TBC1D9: variants seen among roughly 807,000 people sequenced by gnomAD.
The protein encoded by TBC1D9 is TBC1 domain family member 9, also known as TBC1 domain family member 9A.
Under a neutral mutation model 132.0 loss-of-function variants are expected in TBC1D9, and 63 were observed. The ratio of observed to expected loss-of-function variants is 0.48; its 90% confidence interval spans 0.39 to 0.59. The LOEUF (loss-of-function observed/expected upper bound fraction) is 0.59. Ranked by LOEUF, TBC1D9 falls within the 20% of genes least tolerant of loss-of-function variation. The pLI is 0.00. For missense variants in TBC1D9, 1,261 were observed against 1,592.7 expected (o/e 0.79, Z 3.54); for synonymous variants, 610 against 609.9 (o/e 1.00, Z 0.00).
At chr4:140,714,551 T>C (rs969932912) in intron 1 of TBC1D9, among the ~76,000 whole-genome samples, 5 of 152,168 alleles carry the variant, frequency 3.3e-5, no homozygotes, top group African/African-American at 9.7e-5. Context: ...TGATGTCTCA[T>C]AGGTGGCCAC....
At chr4:140,647,828 G>A (rs1737125313) in intron 13 of TBC1D9, among the ~76,000 whole-genome samples, 1 of 152,128 alleles carries the variant, frequency 6.6e-6, no homozygotes, top group Non-Finnish European at 1.5e-5. Context: ...GTAAACCGTG[G>A]ACTCCAAGTT....
chr4:140,677,241 A>C, intron 5 of TBC1D9, 140 bp from the exon 6 acceptor site: 1 of 939,724 alleles, frequency 1.1e-6, no homozygotes, highest in Non-Finnish European at 1.6e-6. Flanking sequence ...CTTTCTTTAT[A>C]TTGAAGTTAA....
chr4:140,721,960 G>A (rs1443266260), intron 1 of TBC1D9, among the ~76,000 whole-genome samples: 1 of 152,058 alleles, frequency 6.6e-6, no homozygotes, highest in Non-Finnish European at 1.5e-5. Flanking sequence ...CAGACTCCAT[G>A]CCTAGCCTCA....
At chr4:140,690,811 T>C (rs1282325892) in intron 2 of TBC1D9, among the ~76,000 whole-genome samples, 2 of 152,094 alleles carry the variant, frequency 1.3e-5, no homozygotes, top group Admixed American at 6.5e-5. Context: ...GGGCAGAGCA[T>C]GGTGAGAGCA....
At chr4:140,741,187 T>C (rs964202041) in intron 1 of TBC1D9, among the ~76,000 whole-genome samples, 1 of 152,112 alleles carries the variant, frequency 6.6e-6, no homozygotes, top group African/African-American at 2.4e-5. Context: ...AGGAAGAAGA[T>C]ACCAAACTCC....
intron 1 of TBC1D9, among the ~76,000 whole-genome samples, chr4:140,746,658 A>G (rs936735649): frequency 3.3e-5 from 5 of 152,164 alleles, no homozygotes; most frequent in African/African-American, 1.2e-4. Flanking sequence ...GCATCCAGCA[A>G]AGAGAGAAAT....
In TBC1D9 at chr4:140,726,317, A is replaced by G. The variant is rs576342101; in HGVS notation, c.131-24703T>C. On this transcript the variant is annotated intron_variant, in intron 1 of 20. Transcript: ENST00000442267. ...AAAAAAAAAATTTTAAAAATTTTAAAAAGTATATTTGTGCCTGTGTCAAAT... is the reference window on the plus strand; with the variant it reads ...AAAAAAAAAATTTTAAAAATTTTAAGAAGTATATTTGTGCCTGTGTCAAAT... 2.0e-4 allele frequency among the ~76,000 whole-genome samples: 30 copies of G among 152,314 alleles called. No homozygotes were observed. In the South Asian group the frequency reaches 6.2e-3, roughly 32 times the overall value.
chr4:140,683,436 G>A (rs574094932), intron 3 of TBC1D9, among the ~76,000 whole-genome samples: 23 of 152,280 alleles, frequency 1.5e-4, no homozygotes, highest in African/African-American at 5.3e-4. Context: ...CTAGATTATG[G>A]AATACAGGGA....
chr4:140,640,293 G>A (rs1235478284), intron 13 of TBC1D9, among the ~76,000 whole-genome samples: 1 of 151,856 alleles, frequency 6.6e-6, no homozygotes, highest in Non-Finnish European at 1.5e-5. Flanking sequence ...AGGGGAAAGG[G>A]AAAAAAAGAG....
chr4:140,652,232 C>A (rs1459997706), intron 13 of TBC1D9, among the ~76,000 whole-genome samples: 27 of 149,932 alleles, frequency 1.8e-4, no homozygotes, highest in African/African-American at 6.4e-4. Context: ...CAGAGGGAGA[C>A]CCTGTCTCAA....
At chr4:140,630,017 A>G (rs959748956) in intron 16 of TBC1D9, among the ~76,000 whole-genome samples, 2 of 152,208 alleles carry the variant, frequency 1.3e-5, no homozygotes, top group African/African-American at 4.8e-5. Context: ...AATTTGTTCA[A>G]GGTCATAAGT....
intron 6 of TBC1D9, among the ~76,000 whole-genome samples, chr4:140,671,847 C>T (rs1331636676): frequency 2.0e-5 from 3 of 152,076 alleles, no homozygotes; most frequent in Non-Finnish European, 4.4e-5. Context: ...CATTAGAAAA[C>T]AAATCTCAAG....
Position 140,679,190 on chromosome 4 carries a change from G to A in TBC1D9, c.603C>T (p.Ile201=), listed in dbSNP as rs1737669349. Residue 201 remains isoleucine, a synonymous_variant, in exon 5 of 21, where the codon ATC becomes ATT. Transcript: ENST00000442267. ...CAAGCTGAGTGATGTCTACCCACCG[G>A]ATGACCAGTTTCGCTGAGCACAAGG... The part of the protein sequence containing the change: ...FLMGREAKLV[I]RWVDITQLEK... 1 of 1,613,090 alleles carries A rather than the reference G, an allele frequency of 6.2e-7. No homozygotes were observed. Among genetic ancestry groups the A allele is most frequent in the Non-Finnish European group, 8.5e-7 (1 of 1,179,298 alleles).
intron 1 of TBC1D9, among the ~76,000 whole-genome samples, chr4:140,714,301 T>C (rs2111051705): frequency 6.6e-6 from 1 of 152,224 alleles, no homozygotes; most frequent in East Asian, 1.9e-4. Flanking sequence ...GGTGGCTGGG[T>C]TGCAGCTTGG....
chr4:140,678,687 T>C (rs1367362), intron 5 of TBC1D9, among the ~76,000 whole-genome samples: 101,823 of 152,062 alleles, frequency 0.67, 34,172 homozygotes, highest in African/African-American at 0.69. Flanking sequence ...GCTGAGGCTA[T>C]CACTCCCCAT....
chr4:140,684,446 A>G (rs1384067325), intron 3 of TBC1D9, among the ~76,000 whole-genome samples: 2 of 152,074 alleles, frequency 1.3e-5, no homozygotes, highest in Non-Finnish European at 2.9e-5. Flanking sequence ...TCTGCACATG[A>G]ATGACATTCT....
At chr4:140,634,759 C>A (rs1185805737) in intron 15 of TBC1D9, among the ~76,000 whole-genome samples, 1 of 152,146 alleles carries the variant, frequency 6.6e-6, no homozygotes. Flanking sequence ...ACCAAAATCA[C>A]ATAAATAAGA....
rs575162138 is a variant in TBC1D9, at chr4:140,647,183, C to T, written c.2338-7755G>A. Reference sequence around the variant, plus strand: ...TTATTGTACCTACAATTGTTAGGGACATTAACATGCCATCTCATTTGCACC... The same window carrying T: ...TTATTGTACCTACAATTGTTAGGGATATTAACATGCCATCTCATTTGCACC... On this transcript the variant is annotated intron_variant, in intron 13 of 20. Transcript: ENST00000442267. Among the ~76,000 whole-genome samples the T allele has an allele frequency of 5.3e-5, 8 of 152,302 alleles. No individual in the cohort carries two copies. The South Asian group carries it at 1.7e-3, about 32-fold the overall frequency.
Position 140,644,437 on chromosome 4 carries a change from C to T in TBC1D9, c.2338-5009G>A, listed in dbSNP as rs182512728. 3.4e-3 allele frequency: 1,001 copies of T among 297,798 alleles called. 16 individuals are homozygous for T. The highest frequency in any genetic ancestry group is 0.022 in the African/African-American group (925 of 42,688). The allele number at this position is 297,798 out of a possible 1,614,324, so 18.4% of individuals were successfully genotyped here. A position where few individuals can be genotyped will look rare whatever the true frequency, so the allele number is the denominator to read the frequency against. On this transcript the variant is annotated intron_variant, in intron 13 of 20. Coordinates refer to ENST00000442267, the MANE Select transcript of TBC1D9 (RefSeq NM_015130.3). Reference sequence around the variant, plus strand: ...GCCTTCAGGGCGGCCATGGGGGACGCGCGGGGCGATGGCGGCGGGCTCACC... The same window carrying T: ...GCCTTCAGGGCGGCCATGGGGGACGTGCGGGGCGATGGCGGCGGGCTCACC...
Sources: gnomAD v4.1 joint callset for allele counts (sites outside exome capture counted in the v4.1 genomes callset) on GRCh38, gnomAD v4.1.1 for gene constraint, MANE v1.5 for transcripts, NCBI Gene and HGNC (gene_info 2026-07-23, HGNC 2026-07-21) for gene names.